ZNF618: variants seen among roughly 807,000 people sequenced by gnomAD.
ZNF618 encodes zinc finger protein 618.
ZNF618 carries 34 observed loss-of-function variants against 103.0 expected under a neutral mutation model. That is an observed-to-expected ratio of 0.33 (90% CI 0.25 to 0.44). ZNF618 has a LOEUF of 0.44. Ranked by LOEUF, ZNF618 falls within the 20% of genes least tolerant of loss-of-function variation. The pLI is 1.00. For synonymous variants in ZNF618, 551 were observed against 542.2 expected (o/e 1.02, Z -0.23); for missense variants, 1,059 against 1,295.4 (o/e 0.82, Z 2.80).
chr9:113,919,434 C>T (rs1020978920), intron 1 of ZNF618, among the ~76,000 whole-genome samples: 2 of 152,194 alleles, frequency 1.3e-5, no homozygotes, highest in Non-Finnish European at 1.5e-5. Context: ...TTGAGAAAGC[C>T]TGTGATAATC....
At chr9:113,876,817 C>T (rs1827991408) in intron 1 of ZNF618, among the ~76,000 whole-genome samples, 1 of 133,634 alleles carries the variant, frequency 7.5e-6, no homozygotes, top group Non-Finnish European at 1.6e-5. Context: ...CGCTCGGGGT[C>T]CCCGATGACC....
intron 1 of ZNF618, among the ~76,000 whole-genome samples, chr9:113,907,882 T>C (rs985408573): frequency 2.0e-5 from 3 of 152,184 alleles, no homozygotes; most frequent in Non-Finnish European, 4.4e-5. Context: ...CTCCTTCCCA[T>C]GAGAGCTGCC....
At chr9:113,955,036 A>G (rs1014987088) in intron 1 of ZNF618, among the ~76,000 whole-genome samples, 3 of 151,998 alleles carry the variant, frequency 2.0e-5, no homozygotes, top group Non-Finnish European at 2.9e-5. Context: ...ATATGCTGAT[A>G]TGCCTGGTTT....
At chr9:114,000,182 C>T (rs1406604959) in intron 4 of ZNF618, among the ~76,000 whole-genome samples, 1 of 152,148 alleles carries the variant, frequency 6.6e-6, no homozygotes, top group Non-Finnish European at 1.5e-5. Flanking sequence ...ACAGTAGTAC[C>T]AGTGGCACCG....
chr9:114,046,325 A>G (rs1039941654), intron 13 of ZNF618, among the ~76,000 whole-genome samples: 2 of 152,150 alleles, frequency 1.3e-5, no homozygotes, highest in East Asian at 1.9e-4. Context: ...TATCTTTACT[A>G]TACCTTTTTT....
Position 113,988,398 on chromosome 9 carries a change from C to T in ZNF618, c.155C>T (p.Ala52Val), listed in dbSNP as rs1839696424. ...GTGCCAGCCGAGGCCTCGCTGAGTG[C>T]CGAGCAAGGAACGATGACGGAGGTG... ...EPVPAEASLS[A>V]EQGTMTEVKV... Residue 52 changes from alanine to valine, a missense_variant, in exon 3 of 15, where the codon GCC becomes GTC. Ala to Val is a moderately conservative substitution (Grantham distance 64, BLOSUM62 0). This residue lies in a region of ZNF618 where 194 missense variants were observed against 209.0 expected (regional missense o/e 0.93). Transcript: ENST00000374126. 6.2e-7 allele frequency: 1 copy of T among 1,613,540 alleles called. No individual in the cohort carries two copies. The highest frequency in any genetic ancestry group is 2.2e-5 in the East Asian group (1 of 44,876).
intron 1 of ZNF618, among the ~76,000 whole-genome samples, chr9:113,889,337 C>CTCTCTCTG (rs1829386262): frequency 6.6e-6 from 1 of 150,762 alleles, no homozygotes; most frequent in Non-Finnish European, 1.5e-5. Flanking sequence ...CTCTCTCTCT[C>CTCTCTCTG]TCTCTCTCTT....
intron 1 of ZNF618, among the ~76,000 whole-genome samples, chr9:113,965,514 A>C (rs779689775): frequency 5.9e-5 from 9 of 152,036 alleles, no homozygotes; most frequent in Non-Finnish European, 1.0e-4. Context: ...GAGGGCTTAG[A>C]TACACCTTCA....
chr9:113,887,421 A>G (rs774634614), intron 1 of ZNF618, among the ~76,000 whole-genome samples: 7 of 152,224 alleles, frequency 4.6e-5, no homozygotes, highest in Non-Finnish European at 8.8e-5. Flanking sequence ...ATAATCCCTG[A>G]CAATTTCTCT....
chr9:113,977,557 T>C (rs1838593879), intron 2 of ZNF618, among the ~76,000 whole-genome samples: 1 of 152,152 alleles, frequency 6.6e-6, no homozygotes, highest in Non-Finnish European at 1.5e-5. Context: ...GGGCCCCTCA[T>C]TGGCCTCTAC....
At chr9:113,886,742 C>T (rs1279126277) in intron 1 of ZNF618, among the ~76,000 whole-genome samples, 2 of 151,840 alleles carry the variant, frequency 1.3e-5, no homozygotes, top group Non-Finnish European at 1.5e-5. Context: ...TAACAGATAG[C>T]ATCTAAGCCT....
At chr9:113,943,258 G>A (rs1419242186) in intron 1 of ZNF618, among the ~76,000 whole-genome samples, 1 of 152,198 alleles carries the variant, frequency 6.6e-6, no homozygotes, top group Non-Finnish European at 1.5e-5. Flanking sequence ...CGGTAAGTGC[G>A]AACTCTGCTC....
intron 1 of ZNF618, among the ~76,000 whole-genome samples, chr9:113,968,373 T>C (rs2132762613): frequency 6.6e-6 from 1 of 152,352 alleles, no homozygotes; most frequent in African/African-American, 2.4e-5. Context: ...ATGATTCTTA[T>C]TAGAAGTGTT....
At chr9:113,884,392 T>C (rs1828851696) in intron 1 of ZNF618, among the ~76,000 whole-genome samples, 1 of 152,206 alleles carries the variant, frequency 6.6e-6, no homozygotes, top group Admixed American at 6.5e-5. Flanking sequence ...AATATATTGA[T>C]GATGATGATT....
intron 3 of ZNF618, among the ~76,000 whole-genome samples, chr9:113,997,849 T>C (rs1840768568): frequency 6.6e-6 from 1 of 152,076 alleles, no homozygotes; most frequent in African/African-American, 2.4e-5. Flanking sequence ...CTGAGCTGAG[T>C]CCCCAAGAAG....
intron 1 of ZNF618, among the ~76,000 whole-genome samples, chr9:113,917,761 A>G (rs1310867618): frequency 6.6e-6 from 1 of 152,214 alleles, no homozygotes; most frequent in Non-Finnish European, 1.5e-5. Flanking sequence ...ATTTTTTAAA[A>G]AACTTTGATT....
Position 114,004,278 on chromosome 9 carries a change from G to T in ZNF618, c.550+1616G>T, listed in dbSNP as rs58254460. Among the ~76,000 whole-genome samples the T allele has an allele frequency of 3.3e-3, 507 of 152,330 alleles. 4 individuals carry two copies. Among genetic ancestry groups the T allele is most frequent in the African/African-American group, 0.012 (488 of 41,574 alleles). On this transcript the variant is annotated intron_variant, in intron 6 of 14. Coordinates refer to ENST00000374126, the MANE Select transcript of ZNF618 (RefSeq NM_001318042.2). Reference sequence around the variant, plus strand: ...CCAGGTCAGCTAGACACCTGCCACAGGACCCCAGCTGGGAGGAGGTGGGAG... The same window carrying T: ...CCAGGTCAGCTAGACACCTGCCACATGACCCCAGCTGGGAGGAGGTGGGAG...
chr9:113,889,487 T>C (rs1587943020), intron 1 of ZNF618, among the ~76,000 whole-genome samples: 2 of 152,260 alleles, frequency 1.3e-5, no homozygotes, highest in East Asian at 3.8e-4. Context: ...TCACCTGTTA[T>C]GACTTAGCCT....
rs372130052 is a variant in ZNF618 at position 114,008,504 on chromosome 9, C to T, written c.704C>T (p.Thr235Met). 1.1e-5 allele frequency: 17 copies of T among 1,613,850 alleles called. No individual in the cohort carries two copies. Among genetic ancestry groups the T allele is most frequent in the African/African-American group, 4.0e-5 (3 of 74,916 alleles). ...CCCTTCGACCAAGGTGTCGTGGCCA[C>T]GGACGAGGTGAAGGAGGAGCCCCCG... ...ADPFDQGVVA[T>M]DEVKEEPPEP... Residue 235 changes from threonine (T) to methionine (M), a missense_variant, in exon 9 of 15, where the codon ACG becomes ATG. Physicochemically the swap from Thr to Met is moderately conservative, Grantham distance 81. Coordinates refer to ENST00000374126, the MANE Select transcript of ZNF618 (RefSeq NM_001318042.2).
Sources: allele counts gnomAD v4.1 joint callset (sites outside exome capture counted in the v4.1 genomes callset), GRCh38; gene constraint gnomAD v4.1.1; regional missense constraint gnomAD v4.1.1; transcripts MANE v1.5; gene names NCBI Gene and HGNC (gene_info 2026-07-23, HGNC 2026-07-21).